Variants in PPFIA1 observed in about 807,000 individuals in gnomAD.
The protein encoded by PPFIA1 is liprin-alpha-1.
In PPFIA1, 25 loss-of-function variants were observed where a neutral mutation model predicts 149.9. The ratio of observed to expected loss-of-function variants is 0.17; its 90% CI spans 0.12 to 0.23. PPFIA1 has a LOEUF of 0.23. PPFIA1 is among the 10% of genes least tolerant of loss of function. PPFIA1 has a pLI of 1.00. For synonymous variants in PPFIA1, 549 were observed against 552.8 expected (o/e 0.99, Z 0.10); for missense variants, 1,362 against 1,506.5 (o/e 0.90, Z 1.59).
At chr11:70,369,469 T>C (rs2057120134) in intron 21 of PPFIA1, among the ~76,000 whole-genome samples, 1 of 152,250 alleles carries the variant, frequency 6.6e-6, no homozygotes, top group Admixed American at 6.5e-5. Context: ...AGGATGATGC[T>C]GGCCTCATAG....
At chr11:70,365,771 T>G (rs2056893973) in intron 21 of PPFIA1, 2 of 371,034 alleles carry the variant, frequency 5.4e-6, no homozygotes, top group Non-Finnish European at 1.1e-5. Context: ...GCTCCTTGCA[T>G]GAGAAGTTGA....
intron 2 of PPFIA1, among the ~76,000 whole-genome samples, chr11:70,297,624 A>C (rs554346272): frequency 2.6e-5 from 4 of 152,316 alleles, no homozygotes; most frequent in African/African-American, 9.6e-5. Flanking sequence ...AGGGCTTGTT[A>C]CACACTACCT....
chr11:70,331,898 C>G, intron 8 of PPFIA1, 62 bp from the exon 9 acceptor site: 1 of 1,514,518 alleles, frequency 6.6e-7, no homozygotes, highest in Non-Finnish European at 8.9e-7. Context: ...TTGTTTCAAT[C>G]TGTTAAAAAC....
intron 17 of PPFIA1, 70 bp downstream of exon 17, chr11:70,354,522 A>G (rs189590451): frequency 4.0e-5 from 59 of 1,475,242 alleles, no homozygotes; most frequent in Non-Finnish European, 4.8e-5. Context: ...GAAATCGACA[A>G]ATCTTTCCTT....
intron 21 of PPFIA1, among the ~76,000 whole-genome samples, chr11:70,370,462 C>T (rs1407418919): frequency 1.3e-5 from 2 of 152,052 alleles, no homozygotes; most frequent in African/African-American, 2.4e-5. Flanking sequence ...TCTTGGCTCA[C>T]TGCAACCTCC....
At chr11:70,331,779 C>G (rs1017639931) in intron 8 of PPFIA1, among the ~76,000 whole-genome samples, 181 bp from the exon 9 acceptor site, 2 of 47,072 alleles carry the variant, frequency 4.2e-5, no homozygotes, top group Non-Finnish European at 7.3e-5. Flanking sequence ...GACTATGTCT[C>G]AAAAACAAAA....
chr11:70,277,953 C>A (rs958795173), intron 2 of PPFIA1, among the ~76,000 whole-genome samples: 2 of 152,024 alleles, frequency 1.3e-5, no homozygotes, highest in African/African-American at 4.8e-5. Flanking sequence ...GCTCTGTCGC[C>A]GGTCTGGAGT....
intron 2 of PPFIA1, among the ~76,000 whole-genome samples, chr11:70,291,796 C>T (rs985482790): frequency 1.3e-5 from 2 of 151,472 alleles, no homozygotes; most frequent in Non-Finnish European, 2.9e-5. Flanking sequence ...TCAGCCTCCC[C>T]AGTAGCTGGA....
chr11:70,289,660 TC>T (rs2051392430), intron 2 of PPFIA1, among the ~76,000 whole-genome samples: 1 of 152,254 alleles, frequency 6.6e-6, no homozygotes, highest in South Asian at 2.1e-4. Context: ...TCCTATTTAT[TC>T]TTAATTCAGA....
intron 8 of PPFIA1, among the ~76,000 whole-genome samples, chr11:70,330,938 A>G (rs968910527): frequency 1.1e-4 from 16 of 152,090 alleles, no homozygotes; most frequent in Admixed American, 5.2e-4. Flanking sequence ...CCCCGTCTCT[A>G]AAATAAAAAA....
intron 2 of PPFIA1, among the ~76,000 whole-genome samples, chr11:70,316,063 C>CA (rs1555096529): frequency 6.6e-6 from 1 of 151,248 alleles, no homozygotes; most frequent in Non-Finnish European, 1.5e-5. Flanking sequence ...AATTTCCTTC[C>CA]TTTTTTTTTA....
At chr11:70,368,540 G>A (rs530215156) in intron 21 of PPFIA1, among the ~76,000 whole-genome samples, 1 of 152,198 alleles carries the variant, frequency 6.6e-6, no homozygotes, top group Non-Finnish European at 1.5e-5. Flanking sequence ...ATATGTGTGT[G>A]TATAGAATGT....
intron 2 of PPFIA1, among the ~76,000 whole-genome samples, chr11:70,307,745 C>A (rs2136454028): frequency 6.7e-6 from 1 of 150,150 alleles, no homozygotes; most frequent in South Asian, 2.1e-4. Flanking sequence ...CATAGACAGA[C>A]CTTACCTCTA....
chr11:70,294,546 C>T (rs200272134), intron 2 of PPFIA1, among the ~76,000 whole-genome samples: 6 of 144,058 alleles, frequency 4.2e-5, no homozygotes, highest in East Asian at 2.0e-4. Flanking sequence ...AATTTTCTTT[C>T]TTTTTTTTTT....
intron 19 of PPFIA1, among the ~76,000 whole-genome samples, chr11:70,359,130 C>T (rs955783577): frequency 2.6e-5 from 4 of 152,102 alleles, no homozygotes; most frequent in Non-Finnish European, 5.9e-5. Flanking sequence ...GCCCTTGCAC[C>T]GTTGCCCAGG....
chr11:70,337,404 T>A lies in PPFIA1; in HGVS notation c.1468T>A (p.Leu490Ile). The A allele has an allele frequency of 6.2e-7, 1 of 1,600,416 alleles. No homozygotes were observed. The highest frequency in any genetic ancestry group is 1.1e-5 in the South Asian group (1 of 88,594). Residue 490 changes from leucine to isoleucine, a missense_variant, in exon 12 of 28, where the codon TTA becomes ATA. Around this residue, in one of 7 missense-constraint regions of PPFIA1, gnomAD observed 733 missense variants for 744.1 expected, o/e 0.99. Coordinates refer to ENST00000253925, the MANE Select transcript of PPFIA1 (RefSeq NM_003626.5). ...LREVESAKKQ[L>I]EETQHDKDQL... is the part of the protein sequence containing the mutation. ...AGAAGTTGAAAGTGCAAAAAAGCAG[T>A]TAGAAGAAACACAACACGATAAGGT...
At chr11:70,274,282 T>G (rs1168299954) in intron 2 of PPFIA1, among the ~76,000 whole-genome samples, 1 of 152,154 alleles carries the variant, frequency 6.6e-6, no homozygotes, top group Non-Finnish European at 1.5e-5. Flanking sequence ...AAAATATACA[T>G]AACTATAGCA....
At position 70,370,961 on chromosome 11, in the gene PPFIA1, C is replaced by T. The variant is rs180993850; in HGVS notation, c.2866-1254C>T. ...CAGTCTGCCCAACATGTTGAAACCC[C>T]GTCTGTACTAAAAATACAAAAATTA... On this transcript the variant is annotated intron_variant, in intron 21 of 27. Coordinates refer to ENST00000253925, the MANE Select transcript of PPFIA1 (RefSeq NM_003626.5). Among the ~76,000 whole-genome samples the T allele has an allele frequency of 3.6e-3, 554 of 152,034 alleles. 4 individuals are homozygous for T. The highest frequency in any genetic ancestry group is 5.1e-3 in the Non-Finnish European group (350 of 67,996).
intron 13 of PPFIA1, 128 bp downstream of exon 13, chr11:70,338,581 C>A: frequency 1.5e-6 from 1 of 686,936 alleles, no homozygotes; most frequent in Non-Finnish European, 2.4e-6. Context: ...TAGTAGGAAG[C>A]GAGAGAGAAA....
Sources: allele counts gnomAD v4.1 joint callset (sites outside exome capture counted in the v4.1 genomes callset), GRCh38; gene constraint gnomAD v4.1.1; regional missense constraint gnomAD v4.1.1; transcripts MANE v1.5; gene names NCBI Gene and HGNC (gene_info 2026-07-23, HGNC 2026-07-21).